The following FRMD3 variants were observed in gnomAD, a reference collection of about 807,000 sequenced individuals.
The protein encoded by FRMD3 is FERM domain-containing protein 3.
In FRMD3, 33 loss-of-function variants were observed where a neutral mutation model predicts 70.2. The observed-to-expected ratio is 0.47, with a 90% CI of 0.36 to 0.63. The LOEUF is 0.63. Among genes scored for constraint, FRMD3 ranks in the 20% least tolerant of loss-of-function variants. The pLI is 0.00. For synonymous variants in FRMD3, 279 were observed against 255.9 expected (o/e 1.09, Z -0.86); for missense variants, 632 against 711.4 (o/e 0.89, Z 1.27).
At chr9:83,324,447 T>C (rs1835931517) in intron 6 of FRMD3, among the ~76,000 whole-genome samples, 1 of 152,196 alleles carries the variant, frequency 6.6e-6, no homozygotes, top group African/African-American at 2.4e-5. Flanking sequence ...GTTTTTTCAA[T>C]TATTCTTTAA....
At chr9:83,279,822 G>C (rs773681358) in intron 13 of FRMD3, among the ~76,000 whole-genome samples, 1 of 151,802 alleles carries the variant, frequency 6.6e-6, no homozygotes, top group African/African-American at 2.4e-5. Context: ...GAGGGAGAGC[G>C]TCAGGATAAA....
At chr9:83,420,962 A>T (rs1826619865) in intron 1 of FRMD3, among the ~76,000 whole-genome samples, 2 of 91,786 alleles carry the variant, frequency 2.2e-5, no homozygotes, top group South Asian at 3.4e-4. Flanking sequence ...TTTTTTTGAG[A>T]CGGAGTCTCG....
intron 1 of FRMD3, among the ~76,000 whole-genome samples, chr9:83,446,621 T>C (rs1587860580): frequency 2.5e-5 from 3 of 120,916 alleles, no homozygotes; most frequent in South Asian, 5.6e-4. Context: ...CACTCCAGCC[T>C]GGGCGACAGA....
At chr9:83,389,815 G>T in intron 1 of FRMD3, 107 bp from the exon 2 acceptor site, 1 of 730,006 alleles carries the variant, frequency 1.4e-6, no homozygotes, top group Non-Finnish European at 2.4e-6. Flanking sequence ...AAATAAATGT[G>T]CTCACTCCAG....
intron 13 of FRMD3, among the ~76,000 whole-genome samples, chr9:83,283,212 A>C (rs963744380): frequency 6.6e-6 from 1 of 152,110 alleles, no homozygotes; most frequent in Non-Finnish European, 1.5e-5. Flanking sequence ...TTGCTGACCC[A>C]AACTGTGATG....
chr9:83,545,549 G>A, the FRMD3 span, among the ~76,000 whole-genome samples: 2 of 151,754 alleles, frequency 1.3e-5, no homozygotes, highest in East Asian at 1.9e-4. Context: ...AGTAGAGATG[G>A]GGTTTCACCG....
At chr9:83,508,867 C>A (rs1829266796) in intron 1 of FRMD3, among the ~76,000 whole-genome samples, 1 of 152,124 alleles carries the variant, frequency 6.6e-6, no homozygotes, top group South Asian at 2.1e-4. Context: ...GAGTAGCTGG[C>A]TGGCCAAGTC....
intron 3 of FRMD3, among the ~76,000 whole-genome samples, chr9:83,354,495 C>G (rs1824271475): frequency 6.6e-6 from 1 of 152,084 alleles, no homozygotes; most frequent in Non-Finnish European, 1.5e-5. Flanking sequence ...ACGCTGGGGA[C>G]TACTAGAAGA....
At chr9:83,363,132 A>C (rs1040052516) in intron 3 of FRMD3, among the ~76,000 whole-genome samples, 1 of 152,160 alleles carries the variant, frequency 6.6e-6, no homozygotes, top group African/African-American at 2.4e-5. Flanking sequence ...TGAGTGTAAC[A>C]TAACTACATA....
intron 13 of FRMD3, among the ~76,000 whole-genome samples, chr9:83,278,646 G>A (rs1833869201): frequency 6.6e-6 from 1 of 152,146 alleles, no homozygotes; most frequent in South Asian, 2.1e-4. Flanking sequence ...GGCCCCAGGG[G>A]ACATAAGACA....
At chr9:83,341,395 A>G (rs1036448097) in intron 5 of FRMD3, among the ~76,000 whole-genome samples, 5 of 152,114 alleles carry the variant, frequency 3.3e-5, no homozygotes, top group African/African-American at 9.7e-5. Context: ...CAGGATGGCG[A>G]GCTTTCCATT....
At chr9:83,552,252 G>T in the FRMD3 span, among the ~76,000 whole-genome samples, 1 of 152,142 alleles carries the variant, frequency 6.6e-6, no homozygotes, top group African/African-American at 2.4e-5. Context: ...TCAGGGGCTT[G>T]TTGTTTAATT....
At chr9:83,351,323 TACACACACACAC>T (rs56407249) in intron 3 of FRMD3, among the ~76,000 whole-genome samples, 1 of 143,774 alleles carries the variant, frequency 7.0e-6, no homozygotes, top group African/African-American at 2.6e-5. Flanking sequence ...AAACTGATCA[TACACACACACAC>T]ACACACACAC....
chr9:83,531,709 G>A (rs533837738), intron 1 of FRMD3, among the ~76,000 whole-genome samples: 1 of 152,174 alleles, frequency 6.6e-6, no homozygotes, highest in East Asian at 1.9e-4. Context: ...ACAGATATAG[G>A]TTTGCACATG....
intron 1 of FRMD3, among the ~76,000 whole-genome samples, chr9:83,496,269 C>T (rs1828940283): frequency 6.6e-6 from 1 of 152,054 alleles, no homozygotes; most frequent in African/African-American, 2.4e-5. Flanking sequence ...GAGACTATTG[C>T]AAAAATTGTG....
chr9:83,280,833 T>C (rs932646511), intron 13 of FRMD3, among the ~76,000 whole-genome samples: 1 of 152,188 alleles, frequency 6.6e-6, no homozygotes, highest in African/African-American at 2.4e-5. Context: ...TCCACCCCAG[T>C]GGATCATTGT....
chr9:83,545,353 T>C, the FRMD3 span, among the ~76,000 whole-genome samples: 5 of 129,214 alleles, frequency 3.9e-5, no homozygotes, highest in Non-Finnish European at 6.7e-5. Flanking sequence ...GTTGTTTTTT[T>C]TTGTTTTTTT....
chr9:83,276,459 G>T (rs1472290112), intron 13 of FRMD3: 2 of 152,146 alleles, frequency 1.3e-5, no homozygotes, highest in African/African-American at 4.8e-5. Context: ...TTTGCAGATG[G>T]TATTAAGAAA....
At chr9:83,505,873 T>G (rs1019625007) in intron 1 of FRMD3, among the ~76,000 whole-genome samples, 2 of 152,178 alleles carry the variant, frequency 1.3e-5, no homozygotes, top group African/African-American at 4.8e-5. Flanking sequence ...CCGGAGATCA[T>G]GGCTGCAGAA....
Sources: gnomAD v4.1 joint callset for allele counts (sites outside exome capture counted in the v4.1 genomes callset) on GRCh38, gnomAD v4.1.1 for gene constraint, MANE v1.5 for transcripts, NCBI Gene and HGNC (gene_info 2026-07-23, HGNC 2026-07-21) for gene names.